TCF4: variants seen among roughly 807,000 people sequenced by gnomAD.
TCF4 encodes transcription factor 4, also known as SL3-3 enhancer factor 2.
Under a neutral mutation model 82.1 loss-of-function variants are expected in TCF4, and 3 were observed. The observed-to-expected ratio is 0.04, with a 90% confidence interval of 0.02 to 0.09. The LOEUF is 0.09. TCF4 is among the 10% of genes least tolerant of loss of function. TCF4 has a pLI of 1.00. For missense variants in TCF4, 518 were observed against 852.7 expected, an observed-to-expected ratio of 0.61 and a Z score of 4.89; for synonymous variants, 276 against 309.6, an observed-to-expected ratio of 0.89 and a Z score of 1.14.
intron 1 of TCF4, among the ~76,000 whole-genome samples, chr18:55,635,014 A>T (rs1236768182): frequency 1.3e-5 from 2 of 152,174 alleles, no homozygotes; most frequent in Non-Finnish European, 2.9e-5. Context: ...TGTATTAGAG[A>T]AAAAACACAT....
At chr18:55,430,150 C>A (rs944247093) in intron 5 of TCF4, among the ~76,000 whole-genome samples, 2 of 152,266 alleles carry the variant, frequency 1.3e-5, no homozygotes, top group Admixed American at 1.3e-4. Flanking sequence ...GGGAAAAATA[C>A]TTTTCTGGCA....
chr18:55,601,271 A>G (rs2097696626), intron 2 of TCF4, among the ~76,000 whole-genome samples: 1 of 152,190 alleles, frequency 6.6e-6, no homozygotes. Context: ...GGAGTATTGT[A>G]TAGTAACCAA....
At position 55,222,351 on chromosome 18, in the gene TCF4, T is replaced by C. The variant is rs977010513; in HGVS notation, c.*5684A>G. 3 of 152,114 alleles carry C rather than the reference T, an allele frequency of 2.0e-5. No homozygotes were observed. The highest frequency in any genetic ancestry group is 4.8e-5 in the African/African-American group (2 of 41,414). 9.4% of individuals were successfully genotyped at this position (152,114 alleles called of 1,614,324 possible). A position where few individuals can be genotyped will look rare whatever the true frequency, so the allele number is the denominator to read the frequency against. ...AGACTAAATGCTTGTGGCTCTTTTATATATATTTAAAACACACAGTAAGAA... is the reference window on the plus strand; with the variant it reads ...AGACTAAATGCTTGTGGCTCTTTTACATATATTTAAAACACACAGTAAGAA... On this transcript the variant is annotated 3_prime_UTR_variant, in exon 20 of 20. Transcript: ENST00000354452.
chr18:55,261,280 G>A (rs1270993482), intron 12 of TCF4, 186 bp downstream of exon 12: 1 of 691,102 alleles, frequency 1.4e-6, no homozygotes, highest in South Asian at 1.7e-5. Flanking sequence ...ATGAGAGAAA[G>A]AGACTATATA....
chr18:55,368,183 C>T (rs1464097913), intron 6 of TCF4, among the ~76,000 whole-genome samples: 2 of 152,140 alleles, frequency 1.3e-5, no homozygotes, highest in African/African-American at 4.8e-5. Flanking sequence ...GTCAGGAATT[C>T]GAGACCAGCC....
At chr18:55,512,539 T>C (rs1156265797) in intron 3 of TCF4, among the ~76,000 whole-genome samples, 3 of 152,142 alleles carry the variant, frequency 2.0e-5, no homozygotes, top group Non-Finnish European at 4.4e-5. Flanking sequence ...TCTATGCATA[T>C]ATGTGTGTAT....
chr18:55,375,896 T>G (rs1367058318), intron 6 of TCF4, among the ~76,000 whole-genome samples: 2 of 151,960 alleles, frequency 1.3e-5, no homozygotes, highest in African/African-American at 2.4e-5. Context: ...AGTAGAAAGG[T>G]TCTATGTTAT....
chr18:55,536,214 C>A (rs1454727957), intron 3 of TCF4, among the ~76,000 whole-genome samples: 1 of 152,162 alleles, frequency 6.6e-6, no homozygotes, highest in Non-Finnish European at 1.5e-5. Context: ...CTTCAAGCAT[C>A]CCAAAGAACA....
intron 6 of TCF4, among the ~76,000 whole-genome samples, chr18:55,382,592 C>T (rs569121436): frequency 5.8e-4 from 88 of 152,238 alleles, no homozygotes; most frequent in Admixed American, 1.2e-3. Context: ...ATCATAAGCA[C>T]GCAGGTGAGT....
chr18:55,632,452 T>C (rs986280114), intron 1 of TCF4, among the ~76,000 whole-genome samples: 2 of 152,208 alleles, frequency 1.3e-5, no homozygotes, highest in African/African-American at 4.8e-5. Context: ...AGGGAGACGA[T>C]GGAGTTTTTT....
intron 2 of TCF4, among the ~76,000 whole-genome samples, chr18:55,608,865 G>A (rs757854860): frequency 7.9e-5 from 12 of 152,058 alleles, no homozygotes; most frequent in African/African-American, 1.2e-4. Context: ...GAAAAAGGTG[G>A]GTACTTTGGA....
intron 8 of TCF4, among the ~76,000 whole-genome samples, chr18:55,333,711 G>T (rs528418365): frequency 6.6e-6 from 1 of 152,306 alleles, no homozygotes; most frequent in South Asian, 2.1e-4. Context: ...TCTGGATTCT[G>T]TAATCTCAAT....
intron 3 of TCF4, among the ~76,000 whole-genome samples, chr18:55,584,540 T>C (rs796855348): frequency 6.6e-6 from 1 of 152,248 alleles, no homozygotes; most frequent in African/African-American, 2.4e-5. Context: ...CGAATAGCCC[T>C]GTAATAAACC....
chr18:55,240,204 T>A (rs112269460), intron 15 of TCF4, among the ~76,000 whole-genome samples: 19 of 152,324 alleles, frequency 1.2e-4, no homozygotes, highest in Non-Finnish European at 2.1e-4. Context: ...GGACATAGAT[T>A]TTTTTGGTTT....
chr18:55,407,053 T>C (rs1477127528), intron 5 of TCF4, among the ~76,000 whole-genome samples: 1 of 152,110 alleles, frequency 6.6e-6, no homozygotes, highest in Non-Finnish European at 1.5e-5. Flanking sequence ...GTAACATTTG[T>C]TGTATGCCCA....
intron 3 of TCF4, among the ~76,000 whole-genome samples, chr18:55,543,803 C>A (rs2097183662): frequency 6.6e-6 from 1 of 152,088 alleles, no homozygotes; most frequent in Non-Finnish European, 1.5e-5. Flanking sequence ...AACGCTCAAG[C>A]ATGCATGAGC....
chr18:55,488,215 AC>A (rs1275564227), intron 3 of TCF4, among the ~76,000 whole-genome samples: 2 of 152,322 alleles, frequency 1.3e-5, no homozygotes, highest in African/African-American at 2.4e-5. Context: ...AATATACAAA[AC>A]AAACAGGGTT....
chr18:55,278,562 G>GTTTATTTA (rs201378213), intron 9 of TCF4, among the ~76,000 whole-genome samples: 3 of 105,076 alleles, frequency 2.9e-5, no homozygotes, highest in African/African-American at 6.6e-5. Flanking sequence ...TTATTTGTTT[G>GTTTATTTA]TTTATTTATT....
intron 8 of TCF4, among the ~76,000 whole-genome samples, chr18:55,338,546 T>C (rs974788787): frequency 1.3e-5 from 2 of 152,036 alleles, no homozygotes; most frequent in African/African-American, 4.8e-5. Context: ...AGAAAAAGAG[T>C]CATTTTCTTA....
Sources: gnomAD v4.1 joint callset for allele counts (sites outside exome capture counted in the v4.1 genomes callset) on GRCh38, gnomAD v4.1.1 for gene constraint, MANE v1.5 for transcripts, NCBI Gene and HGNC (gene_info 2026-07-23, HGNC 2026-07-21) for gene names.